The following ODF2L variants were observed in gnomAD, a reference collection of about 807,000 sequenced individuals.
ODF2L encodes the protein protein BCAP.
In ODF2L, 76 loss-of-function variants were observed where a neutral mutation model predicts 86.3. The observed-to-expected ratio is 0.88, with a 90% confidence interval of 0.73 to 1.07. The LOEUF is 1.07. ODF2L is among the 50% of genes least tolerant of loss of function. The pLI is 0.00. For missense variants in ODF2L, 748 were observed against 717.4 expected (o/e 1.04, Z -0.49); for synonymous variants, 241 against 231.3 (o/e 1.04, Z -0.38).
At chr1:86,366,949 G>A (rs1414069223) in intron 11 of ODF2L, among the ~76,000 whole-genome samples, 1 of 152,086 alleles carries the variant, frequency 6.6e-6, no homozygotes, top group Non-Finnish European at 1.5e-5. Flanking sequence ...GAATTTTCCA[G>A]AGGTAAAGGA....
intron 11 of ODF2L, among the ~76,000 whole-genome samples, chr1:86,364,731 C>T (rs1659284123): frequency 6.6e-6 from 1 of 152,078 alleles, no homozygotes; most frequent in African/African-American, 2.4e-5. Context: ...GCTGAAGCTC[C>T]AGCCTCTATT....
At chr1:86,371,236 A>G in intron 9 of ODF2L, 83 bp from the exon 10 acceptor site, 1 of 698,652 alleles carries the variant, frequency 1.4e-6, no homozygotes, top group Non-Finnish European at 2.2e-6. Flanking sequence ...TTCTGAAATC[A>G]CTTTGGCCGG....
chr1:86,375,499 T>C (rs932432825), intron 8 of ODF2L, among the ~76,000 whole-genome samples: 2 of 152,146 alleles, frequency 1.3e-5, no homozygotes, highest in Non-Finnish European at 2.9e-5. Context: ...CTATAAGCCT[T>C]AACATAAGTT....
intron 17 of ODF2L, among the ~76,000 whole-genome samples, chr1:86,352,652 T>C (rs1285854641): frequency 6.6e-6 from 1 of 151,936 alleles, no homozygotes; most frequent in Admixed American, 6.5e-5. Context: ...TGAGATTTGA[T>C]GGCAATGCAA....
At chr1:86,385,642 A>T in intron 2 of ODF2L, 52 bp from the exon 3 acceptor site, 1 of 1,444,810 alleles carries the variant, frequency 6.9e-7, no homozygotes, top group Non-Finnish European at 9.7e-7. Context: ...TCATTTAAAG[A>T]TGCTCCTCAG....
chr1:86,357,408 G>T (rs189426308), intron 13 of ODF2L, among the ~76,000 whole-genome samples: 1 of 151,192 alleles, frequency 6.6e-6, no homozygotes, highest in East Asian at 1.9e-4. Context: ...GACAGGGAAT[G>T]CTTCCTAAAA....
At chr1:86,395,211 T>C (rs12119411) in intron 1 of ODF2L, among the ~76,000 whole-genome samples, 46,791 of 152,064 alleles carry the variant, frequency 0.31, 7,571 homozygotes, top group Admixed American at 0.35. Context: ...TCAAAAACAC[T>C]TGAAACCGTA....
chr1:86,379,804 A>C (rs1215333757), intron 7 of ODF2L, among the ~76,000 whole-genome samples: 1 of 152,236 alleles, frequency 6.6e-6, no homozygotes, highest in Admixed American at 6.5e-5. Flanking sequence ...ATTAATGACT[A>C]TAAGAGTCAT....
intron 1 of ODF2L, among the ~76,000 whole-genome samples, chr1:86,389,377 G>A (rs1661157513): frequency 6.6e-6 from 1 of 151,704 alleles, no homozygotes; most frequent in East Asian, 1.9e-4. Context: ...AAAACCTCTG[G>A]GATACAGCAA....
chr1:86,348,800 T>G, downstream of ODF2L: 1 of 1,554,064 alleles, frequency 6.4e-7, no homozygotes, highest in Non-Finnish European at 8.6e-7. Context: ...AAATAATTCT[T>G]AATACTCTCA....
chr1:86,377,808 TC>T (rs1247487961), intron 7 of ODF2L, among the ~76,000 whole-genome samples: 1 of 152,200 alleles, frequency 6.6e-6, no homozygotes, highest in Non-Finnish European at 1.5e-5. Context: ...AACCACTTTT[TC>T]CTCCTAGGCC....
At position 86,383,176 on chromosome 1, in the gene ODF2L, G is replaced by A. The variant is rs766234132; in HGVS notation, c.393C>T (p.Ser131=). 1.9e-6 allele frequency: 3 copies of A among 1,572,982 alleles called. No homozygotes were observed. The African/African-American group carries it at 4.1e-5, about 21-fold the overall frequency. ...TATCAGTTAGATTTTCTAGCAACAT[G>A]CTGGATAAATTGTCTCCTGTCTGAG... The change falls in exon 5 of 18, where the codon AGC becomes AGT. Residue 131 remains serine, a synonymous_variant. Transcript: ENST00000317336.
chr1:86,352,297 G>A, intron 17 of ODF2L: 1 of 1,358,626 alleles, frequency 7.4e-7, no homozygotes. Flanking sequence ...CTAGCTTTCA[G>A]AATATTCTAT....
chr1:86,377,339 G>C (rs1660245595), intron 7 of ODF2L, among the ~76,000 whole-genome samples: 1 of 152,134 alleles, frequency 6.6e-6, no homozygotes, highest in African/African-American at 2.4e-5. Flanking sequence ...TGCTTTCCCA[G>C]GCTGGCACTG....
intron 10 of ODF2L, 140 bp downstream of exon 10, chr1:86,370,878 A>T (rs188782136): frequency 2.1e-6 from 1 of 477,020 alleles, no homozygotes; most frequent in African/African-American, 2.0e-5. Flanking sequence ...TACTGCTGAA[A>T]ACATAATATC....
exon 14 of ODF2L, chr1:86,356,526 A>T: frequency 6.2e-7 from 1 of 1,614,080 alleles, no homozygotes; most frequent in East Asian, 2.2e-5. Flanking sequence ...ACACTCGTGA[A>T]GCCTCCGTTC....
At chr1:86,358,724 T>C in intron 13 of ODF2L, 63 bp downstream of exon 12, 2 of 641,182 alleles carry the variant, frequency 3.1e-6, no homozygotes, top group Non-Finnish European at 5.1e-6. Context: ...ATGAATGAAT[T>C]TGTGTACTAT....
exon 15 of ODF2L, chr1:86,354,837 A>G (rs1482755802): frequency 1.9e-6 from 3 of 1,603,948 alleles, no homozygotes; most frequent in African/African-American, 1.3e-5. Context: ...AAGCTTTGTC[A>G]GAAGATTGTG....
rs1316561276 is a variant in ODF2L, at chr1:86,371,983, C to T, written c.920+448G>A. 3.3e-5 allele frequency among the ~76,000 whole-genome samples: 5 copies of T among 151,606 alleles called. No homozygotes were observed. In the East Asian group the frequency reaches 7.8e-4, roughly 24 times the overall value. ...CAGGCGGATCACAAGGTCAGGAGAT[C>T]GAGACCATCCTGACCAACATGGTGA... On this transcript the variant is annotated intron_variant, in intron 9 of 17. Coordinates refer to ENST00000317336, the Ensembl canonical transcript of ODF2L.
Sources: gnomAD v4.1 joint callset for allele counts (sites outside exome capture counted in the v4.1 genomes callset) on GRCh38, gnomAD v4.1.1 for gene constraint, MANE v1.5 for transcripts, NCBI Gene and HGNC (gene_info 2026-07-23, HGNC 2026-07-21) for gene names.